The following LCOR variants were observed in gnomAD, a reference collection of about 807,000 sequenced individuals.
The protein encoded by LCOR is ligand dependent nuclear receptor corepressor.
Under a neutral mutation model 64.4 loss-of-function variants are expected in LCOR, and 14 were observed. The observed-to-expected ratio is 0.22, with a 90% confidence interval of 0.14 to 0.34. The LOEUF is 0.34. LCOR is among the 10% of genes least tolerant of loss of function. The pLI, the probability that LCOR is intolerant of heterozygous loss-of-function variation, is 1.00. For synonymous variants in LCOR, 643 were observed against 642.5 expected (o/e 1.00, Z -0.01); for missense variants, 1,686 against 1,765.3 (o/e 0.96, Z 0.80).
chr10:96,984,093 C>T lies in LCOR; in HGVS notation c.3633C>T (p.Pro1211=), dbSNP rs527405169. 72 of 1,614,094 alleles carry T rather than the reference C, an allele frequency of 4.5e-5. No homozygotes were observed. In the South Asian group the frequency reaches 7.5e-4, roughly 17 times the overall value. ...KLNTRLPGDV[P]PVKHPLQKYA... is the part of the protein sequence containing the mutation. ...ATACTCGCCTTCCAGGAGACGTTCC[C>T]CCTGTCAAGCATCCTCTTCAGAAAT... The change falls in exon 8 of 8, where the codon CCC becomes CCT. Residue 1211 remains proline, a synonymous_variant. Transcript: ENST00000421806.
intron 2 of LCOR, among the ~76,000 whole-genome samples, chr10:96,876,177 A>C (rs1439970694): frequency 2.0e-5 from 3 of 152,222 alleles, no homozygotes; most frequent in Non-Finnish European, 4.4e-5. Flanking sequence ...GGGAAGTCCA[A>C]GGTTGAGGAG....
At chr10:96,952,080 G>T (rs1189086640) in intron 6 of LCOR, 23 bp from the exon 7 acceptor site, 5 of 1,558,750 alleles carry the variant, frequency 3.2e-6, no homozygotes, top group Non-Finnish European at 4.4e-6. Context: ...AATATCCTCA[G>T]GTGTTTCTTT....
chr10:96,840,012 T>C (rs2134362874), intron 2 of LCOR, among the ~76,000 whole-genome samples: 1 of 152,358 alleles, frequency 6.6e-6, no homozygotes, highest in Admixed American at 6.5e-5. Context: ...AAGTTAAATA[T>C]ACTGTTTTTA....
chr10:96,914,197 CTATTT>C (rs539907502), intron 4 of LCOR, among the ~76,000 whole-genome samples: 2 of 151,984 alleles, frequency 1.3e-5, no homozygotes, highest in Non-Finnish European at 1.5e-5. Context: ...AGTTTTATTG[CTATTT>C]TATTTTATTT....
In LCOR at chr10:96,940,358, C is replaced by T. The variant is rs1178419741; in HGVS notation, c.-183-3755C>T. On this transcript the variant is annotated intron_variant, in intron 4 of 7. Transcript: ENST00000421806. ...TTATTGATCATTCTTGGGTGTTTCT[C>T]GCAGAGGGGGATTTGGCAGGGTCAT... 3.5e-3 allele frequency among the ~76,000 whole-genome samples: 297 copies of T among 84,916 alleles called. 5 individuals carry two copies. Among genetic ancestry groups the T allele is most frequent in the African/African-American group, 0.013 (287 of 22,108 alleles). 55.7% of individuals were successfully genotyped at this position (84,916 alleles called of 152,430 possible). A position where few individuals can be genotyped will look rare whatever the true frequency, so the allele number is the denominator to read the frequency against.
At position 96,861,426 on chromosome 10, in the gene LCOR, C is replaced by T. The variant is rs1015624885; in HGVS notation, c.-330+27947C>T. Among the ~76,000 whole-genome samples the T allele has an allele frequency of 2.6e-5, 4 of 152,298 alleles. 1 individual carries two copies. The highest frequency in any genetic ancestry group is 4.8e-5 in the African/African-American group (2 of 41,570). ...TTTTTCCTCTGCTCACACCATATTACAATAATCACAATCTTCAACACAGAA... is the reference window on the plus strand; with the variant it reads ...TTTTTCCTCTGCTCACACCATATTATAATAATCACAATCTTCAACACAGAA... On this transcript the variant is annotated intron_variant, in intron 2 of 7. Transcript: ENST00000421806.
intron 7 of LCOR, among the ~76,000 whole-genome samples, chr10:96,967,490 T>C (rs1847961891): frequency 6.6e-6 from 1 of 152,252 alleles, no homozygotes. Context: ...CACTTATTTT[T>C]CCTTCTGTAA....
intron 2 of LCOR, among the ~76,000 whole-genome samples, chr10:96,862,854 T>A (rs1203987329): frequency 6.6e-6 from 1 of 152,118 alleles, no homozygotes. Flanking sequence ...TTTTTAAAGT[T>A]TAGTAATATG....
At chr10:96,967,016 C>T (rs1177186733) in intron 7 of LCOR, among the ~76,000 whole-genome samples, 2 of 152,202 alleles carry the variant, frequency 1.3e-5, no homozygotes, top group East Asian at 1.9e-4. Context: ...GGATTATAGG[C>T]ATGAGCCATC....
At chr10:96,906,053 A>G (rs1265484059) in intron 2 of LCOR, among the ~76,000 whole-genome samples, 1 of 152,148 alleles carries the variant, frequency 6.6e-6, no homozygotes, top group Non-Finnish European at 1.5e-5. Flanking sequence ...TCAAAAATTG[A>G]TACATGTGAG....
At chr10:96,918,504 G>GA (rs1326824392) in intron 4 of LCOR, among the ~76,000 whole-genome samples, 1 of 152,164 alleles carries the variant, frequency 6.6e-6, no homozygotes, top group African/African-American at 2.4e-5. Context: ...AAGGAATGAT[G>GA]AAAACAGCAC....
chr10:96,893,754 C>T (rs1415199301), intron 2 of LCOR, among the ~76,000 whole-genome samples: 1 of 143,950 alleles, frequency 6.9e-6, no homozygotes, highest in African/African-American at 2.7e-5. Flanking sequence ...CAGAGCAAGA[C>T]TCTGTTTCAA....
chr10:96,974,720 A>G (rs1462474142), intron 7 of LCOR, among the ~76,000 whole-genome samples: 1 of 152,238 alleles, frequency 6.6e-6, no homozygotes, highest in Non-Finnish European at 1.5e-5. Context: ...GAAAAATTGA[A>G]TAACTAGAAG....
Position 96,849,458 on chromosome 10 carries a change from C to T in LCOR, c.-330+15979C>T, listed in dbSNP as rs528673412. Among the ~76,000 whole-genome samples the T allele has an allele frequency of 4.6e-5, 7 of 152,308 alleles. No homozygotes were observed. The East Asian group carries it at 1.3e-3, about 29-fold the overall frequency. ...CTCCTGACCTCAGGTGATTGGCCCG[C>T]CTCGGCCTCCCGAAGTGCTGTGATT... On this transcript the variant is annotated intron_variant, in intron 2 of 7. Transcript: ENST00000421806.
intron 7 of LCOR, chr10:96,955,672 G>A: frequency 6.2e-7 from 1 of 1,614,174 alleles, no homozygotes; most frequent in South Asian, 1.1e-5. Flanking sequence ...CAGTACAACA[G>A]TGAGATACTG....
At position 96,984,971 on chromosome 10, in the gene LCOR, C is replaced by G; in HGVS notation, c.4511C>G (p.Ser1504Cys). 2 of 1,614,194 alleles carry G rather than the reference C, an allele frequency of 1.2e-6. No homozygotes were observed. The highest frequency in any genetic ancestry group is 2.2e-5 in the South Asian group (2 of 91,082). Residue 1504 changes from serine (S) to cysteine (C), a missense_variant, in exon 8 of 8, where the codon TCT becomes TGT. Physicochemically the swap from Ser to Cys is moderately radical, Grantham distance 112. Around this residue, in one of 3 missense-constraint regions of LCOR, gnomAD observed 1,293 missense variants for 1,410.4 expected, o/e 0.92. Coordinates refer to ENST00000421806, the MANE Select transcript of LCOR (RefSeq NM_001346516.2). ...PAKQKGAGES[S>C]SRPQKATNRK... ...AAACAGAAGGGGGCCGGTGAATCCT[C>G]TTCAAGGCCTCAGAAAGCCACGAAT...
At chr10:96,957,499 T>C (rs1847803965) in intron 7 of LCOR, 5 of 985,402 alleles carry the variant, frequency 5.1e-6, no homozygotes, top group Middle Eastern at 1.0e-3. Flanking sequence ...CCACATGTAC[T>C]GTATATTCTA....
At chr10:96,925,567 A>C (rs1589660475) in intron 4 of LCOR, among the ~76,000 whole-genome samples, 2 of 152,298 alleles carry the variant, frequency 1.3e-5, no homozygotes, top group East Asian at 3.9e-4. Flanking sequence ...TGCCAGTTTA[A>C]TCAGGTGATG....
At chr10:96,930,232 C>T (rs552311608) in intron 4 of LCOR, among the ~76,000 whole-genome samples, 1 of 152,218 alleles carries the variant, frequency 6.6e-6, no homozygotes, top group South Asian at 2.1e-4. Flanking sequence ...TGTTGTATGC[C>T]ATTGATCTAT....
Sources: allele counts gnomAD v4.1 joint callset (sites outside exome capture counted in the v4.1 genomes callset), GRCh38; gene constraint gnomAD v4.1.1; regional missense constraint gnomAD v4.1.1; transcripts MANE v1.5; gene names NCBI Gene and HGNC (gene_info 2026-07-23, HGNC 2026-07-21).